Variants in TFIP11 observed in about 807,000 individuals in gnomAD.
TFIP11 encodes the protein tuftelin interacting protein 11, also known as tuftelin-interacting protein 11.
A neutral mutation model predicts 96.8 loss-of-function variants in TFIP11; 86 were observed. That is an observed-to-expected ratio of 0.89 (90% CI 0.75 to 1.06). The LOEUF (loss-of-function observed/expected upper bound fraction) is 1.06. Ranked by LOEUF, TFIP11 falls within the 50% of genes least tolerant of loss-of-function variation. TFIP11 has a pLI of 0.00. For missense variants in TFIP11, 881 were observed against 1,076.7 expected, an observed-to-expected ratio of 0.82 and a Z score of 2.54; for synonymous variants, 405 against 395.2, an observed-to-expected ratio of 1.02 and a Z score of -0.29.
At chr22:26,498,663 T>C in intron 10 of TFIP11, 1 of 520,220 alleles carries the variant, frequency 1.9e-6, no homozygotes, top group Non-Finnish European at 3.4e-6. Flanking sequence ...ATACTACCTG[T>C]TCCCCAAACC....
At position 26,501,936 on chromosome 22, in the gene TFIP11, C is replaced by G; in HGVS notation, c.765G>C (p.Lys255Asn). The G allele has an allele frequency of 5.0e-6, 8 of 1,613,822 alleles. No individual in the cohort carries two copies. The highest frequency in any genetic ancestry group is 6.8e-6 in the Non-Finnish European group (8 of 1,179,950). ...ELKAKGRISK[K>N]LTAPQKELSQ... Reference sequence around the variant, plus strand: ...AAAGTTCCTTCTGGGGAGCAGTGAGCTTCTTGCTAATCCTGCCCTTGGCCT... The same window carrying G: ...AAAGTTCCTTCTGGGGAGCAGTGAGGTTCTTGCTAATCCTGCCCTTGGCCT... Residue 255 changes from lysine to asparagine, a missense_variant, in exon 8 of 15, where the codon AAG (lysine) becomes AAC (asparagine). Lys to Asn is a moderately conservative substitution (Grantham distance 94). Coordinates refer to ENST00000407690, the MANE Select transcript of TFIP11 (RefSeq NM_012143.4).
rs3833943 is a variant in TFIP11, at chr22:26,510,705, AG to A, written c.-95-4del. The A allele has an allele frequency of 3.7e-3, 587 of 158,476 alleles. 13 individuals are homozygous for A. The East Asian group carries it at 0.067, about 18-fold the overall frequency. 9.8% of individuals were successfully genotyped at this position (158,476 alleles called of 1,614,324 possible). On this transcript the variant is annotated splice_region_variant and splice_polypyrimidine_tract_variant and intron_variant, in intron 2 of 14. Transcript: ENST00000407690. ...TTATATCTGGATCCTTGGTGGTCCT[AG>A]GAGAGTGATTTTTTTTAGAATATGC...
chr22:26,496,349 G>A (rs749445962), intron 11 of TFIP11, 33 bp from the exon 12 acceptor site: 24 of 1,561,130 alleles, frequency 1.5e-5, no homozygotes, highest in Middle Eastern at 2.2e-4. Flanking sequence ...AGTTCATGTC[G>A]CCTGTGGGGC....
In TFIP11 at chr22:26,494,884, G is replaced by A; in HGVS notation, c.1905C>T (p.Phe635=). The A allele has an allele frequency of 6.2e-7, 1 of 1,614,184 alleles. No individual in the cohort carries two copies. Among genetic ancestry groups the A allele is most frequent in the Non-Finnish European group, 8.5e-7 (1 of 1,180,028 alleles). ...INPHQQHMDA[F]YWVIDWEGMI... Reference sequence around the variant, plus strand: ...TCCCTTCCCAGTCAATCACCCAATAGAATGCATCCATGTGCTGCTGGTGGG... The same window carrying A: ...TCCCTTCCCAGTCAATCACCCAATAAAATGCATCCATGTGCTGCTGGTGGG... Residue 635 remains phenylalanine (F), a synonymous_variant, in exon 13 of 15, where the codon TTC becomes TTT. Coordinates refer to ENST00000407690, the MANE Select transcript of TFIP11 (RefSeq NM_012143.4).
intron 8 of TFIP11, among the ~76,000 whole-genome samples, chr22:26,500,055 G>A (rs1305662800): frequency 2.6e-5 from 4 of 152,172 alleles, no homozygotes; most frequent in Non-Finnish European, 5.9e-5. Context: ...ATAACAAGAT[G>A]TTAACATTTG....
intron 8 of TFIP11, among the ~76,000 whole-genome samples, chr22:26,501,543 T>A (rs550430087): frequency 6.6e-6 from 1 of 151,986 alleles, no homozygotes; most frequent in East Asian, 2.0e-4. Context: ...GTGCTCATTA[T>A]AAACACTTTG....
chr22:26,506,644 A>G, intron 5 of TFIP11, 131 bp downstream of exon 5: 2 of 1,371,138 alleles, frequency 1.5e-6, no homozygotes, highest in African/African-American at 1.4e-5. Context: ...CACAACTCAC[A>G]GAAACCTGCC....
Position 26,491,755 on chromosome 22 carries a change from G to T in TFIP11, c.*258C>A. 1 of 1,289,512 alleles carries T rather than the reference G, an allele frequency of 7.8e-7. No homozygotes were observed. The highest frequency in any genetic ancestry group is 1.3e-5 in the South Asian group (1 of 74,540). The allele number at this position is 1,289,512 out of a possible 1,614,324, so 79.9% of individuals were successfully genotyped here. On this transcript the variant is annotated 3_prime_UTR_variant, in exon 15 of 15. Transcript: ENST00000407690. ...GGAAGGCTGCTATGGAGGAACTACA[G>T]AGAACTCCTTTGCCAGGAAAGAACA... is the stretch of plus-strand genomic sequence containing the variant.
chr22:26,502,539 G>A (rs893139628), intron 7 of TFIP11, among the ~76,000 whole-genome samples: 3 of 152,286 alleles, frequency 2.0e-5, no homozygotes, highest in South Asian at 2.1e-4. Context: ...AGGCAAGCTT[G>A]TCCAACCCGC....
chr22:26,496,888 A>G lies in TFIP11; in HGVS notation c.1438T>C (p.Leu480=), dbSNP rs1602203116. The change falls in exon 11 of 15, where the codon TTG becomes CTG. Residue 480 remains leucine, a splice_region_variant and synonymous_variant. Coordinates refer to ENST00000407690, the MANE Select transcript of TFIP11 (RefSeq NM_012143.4). ...AAAGGCATCCAGACTTCCCATATCA[A>G]CCTATGGGAGAAAGGCAGAGGACAG... is the stretch of plus-strand genomic sequence containing the variant. ...QDLSADAFHR[L]IWEVWMPFVR... The G allele has an allele frequency of 1.2e-6, 2 of 1,613,716 alleles. No individual in the cohort carries two copies. Among genetic ancestry groups the G allele is most frequent in the Non-Finnish European group, 1.7e-6 (2 of 1,180,026 alleles).
chr22:26,508,035 G>A (rs1923628547), intron 4 of TFIP11, among the ~76,000 whole-genome samples: 1 of 152,142 alleles, frequency 6.6e-6, no homozygotes, highest in Non-Finnish European at 1.5e-5. Flanking sequence ...TTGAACCCAG[G>A]AGACAGAGGG....
chr22:26,509,128 AG>A (rs1054398143), intron 4 of TFIP11, among the ~76,000 whole-genome samples: 1 of 152,120 alleles, frequency 6.6e-6, no homozygotes, highest in Non-Finnish European at 1.5e-5. Context: ...CACCAGCAAA[AG>A]GGTCTTCTCA....
rs781417649 is a variant in TFIP11 at position 26,506,862 on chromosome 22, C to G, written c.276G>C (p.Glu92Asp). 10 of 1,614,184 alleles carry G rather than the reference C, an allele frequency of 6.2e-6. 1 individual carries two copies. In the South Asian group the frequency reaches 1.1e-4, roughly 18 times the overall value. Reference sequence around the variant, plus strand: ...CGTCATCAGAATCTTCCAACTCTGCCTCCTCCGCTGCCCCTTTCTTGAGCC... The same window carrying G: ...CGTCATCAGAATCTTCCAACTCTGCGTCCTCCGCTGCCCCTTTCTTGAGCC... The part of the protein sequence containing the change: ...SAGLKKGAAE[E>D]AELEDSDDEE... The change falls in exon 5 of 15, where the codon GAG becomes GAC. Residue 92 changes from glutamate to aspartate, a missense_variant. Physicochemically the swap from Glu to Asp is conservative, Grantham distance 45. Coordinates refer to ENST00000407690, the MANE Select transcript of TFIP11 (RefSeq NM_012143.4).
chr22:26,511,518 T>A (rs1468039787), intron 2 of TFIP11, among the ~76,000 whole-genome samples: 6 of 152,198 alleles, frequency 3.9e-5, no homozygotes, highest in Admixed American at 3.9e-4. Flanking sequence ...GGGAGTAAAC[T>A]TAGCAAAGTG....
rs779056094 is a variant in TFIP11 at position 26,494,625 on chromosome 22, T to C, written c.1992+172A>G. 19 of 960,552 alleles carry C rather than the reference T, an allele frequency of 2.0e-5. No individual in the cohort carries two copies. The Middle Eastern group carries it at 9.5e-4, about 48-fold the overall frequency. The allele number at this position is 960,552 out of a possible 1,614,324, so 59.5% of individuals were successfully genotyped here. On this transcript the variant is annotated intron_variant, in intron 13 of 14. Transcript: ENST00000407690. ...AGTGCTTGGAACAGCTTCTGATACATGGCAAATGTCCAATAAATGGTGCCC... is the reference window on the plus strand; with the variant it reads ...AGTGCTTGGAACAGCTTCTGATACACGGCAAATGTCCAATAAATGGTGCCC...
chr22:26,495,563 CACATATATATATG>C, intron 12 of TFIP11, among the ~76,000 whole-genome samples: 1 of 60,238 alleles, frequency 1.7e-5, no homozygotes, highest in East Asian at 4.3e-4. Flanking sequence ...TATATATATA[CACATATATATATG>C]TGTGTGTGTG....
Position 26,497,825 on chromosome 22 carries a change from G to A in TFIP11, c.1437-936C>T, listed in dbSNP as rs1335716963. Among the ~76,000 whole-genome samples the A allele has an allele frequency of 2.1e-5, 3 of 143,400 alleles. 1 individual carries two copies. The highest frequency in any genetic ancestry group is 7.4e-5 in the Admixed American group (1 of 13,582). 94.1% of individuals were successfully genotyped at this position (143,400 alleles called of 152,430 possible). On this transcript the variant is annotated intron_variant, in intron 10 of 14. Transcript: ENST00000407690. ...CGGGAGGCAGAGGTTGCAGTGAGCC[G>A]AGATCGTGCCACTGCACTCCAGCCT...
At chr22:26,511,521 G>GC (rs2147154701) in intron 2 of TFIP11, among the ~76,000 whole-genome samples, 1 of 152,340 alleles carries the variant, frequency 6.6e-6, no homozygotes, top group East Asian at 1.9e-4. Context: ...AGTAAACTTA[G>GC]CAAAGTGACT....
In TFIP11 at chr22:26,496,671, A is replaced by G. The variant is rs1398398752; in HGVS notation, c.1605+50T>C. On this transcript the variant is annotated intron_variant, in intron 11 of 14. Coordinates refer to ENST00000407690, the MANE Select transcript of TFIP11 (RefSeq NM_012143.4). ...GAGATAATGAAGCCACAGACTGAAC[A>G]AGTCCCTGTGATTAGTGATGACGAC... is the stretch of plus-strand genomic sequence containing the variant. 8 of 1,598,076 alleles carry G rather than the reference A, an allele frequency of 5.0e-6. No homozygotes were observed. The East Asian group carries it at 1.3e-4, about 27-fold the overall frequency.
Sources: allele counts gnomAD v4.1 joint callset (sites outside exome capture counted in the v4.1 genomes callset), GRCh38; gene constraint gnomAD v4.1.1; transcripts MANE v1.5; gene names NCBI Gene and HGNC (gene_info 2026-07-23, HGNC 2026-07-21).